The following XKR6 variants were observed in gnomAD, a reference collection of about 807,000 sequenced individuals.
XKR6 encodes XK related 6.
In XKR6, 22 loss-of-function variants were observed where a neutral mutation model predicts 56.7. The ratio of observed to expected loss-of-function variants is 0.39; its 90% CI spans 0.28 to 0.55. The LOEUF is 0.55. Ranked by LOEUF, XKR6 falls within the 20% of genes least tolerant of loss-of-function variation. The pLI is 0.66. For missense variants in XKR6, 852 were observed against 889.0 expected (o/e 0.96, Z 0.53); for synonymous variants, 524 against 387.8 (o/e 1.35, Z -4.13).
intron 1 of XKR6, among the ~76,000 whole-genome samples, chr8:10,964,683 C>T (rs571106707): frequency 6.6e-6 from 1 of 152,326 alleles, no homozygotes; most frequent in East Asian, 1.9e-4. Context: ...CATGACCTCA[C>T]CCGCGGGATC....
chr8:10,924,647 G>A lies in XKR6; in HGVS notation c.948C>T (p.Ala316=), dbSNP rs752165884. The A allele has an allele frequency of 2.8e-5, 45 of 1,605,306 alleles. No homozygotes were observed. Among genetic ancestry groups the A allele is most frequent in the African/African-American group, 6.7e-5 (5 of 74,714 alleles). ...GCGGGCACTCACAGGGCAGGGTCTC[G>A]GCGCTGTTCTTCTGGAGCATGATGT... ...QLYIMLQKNS[A]ETLPCVSSVT... is the part of the protein sequence containing the mutation. The change falls in exon 2 of 3, where the codon GCC becomes GCT. Residue 316 remains alanine (A), a synonymous_variant. Transcript: ENST00000416569.
At chr8:11,058,983 G>A (rs568363455) in intron 1 of XKR6, among the ~76,000 whole-genome samples, 1 of 152,364 alleles carries the variant, frequency 6.6e-6, no homozygotes, top group Non-Finnish European at 1.5e-5. Context: ...GATTATCCCC[G>A]CTTTACAGAA....
chr8:11,156,506 C>G (rs1441476845), intron 1 of XKR6, among the ~76,000 whole-genome samples: 1 of 152,126 alleles, frequency 6.6e-6, no homozygotes, highest in Non-Finnish European at 1.5e-5. Context: ...CCTAAAATTG[C>G]AGGCAGTATT....
chr8:11,064,478 A>G (rs1799927493), intron 1 of XKR6, among the ~76,000 whole-genome samples: 1 of 152,236 alleles, frequency 6.6e-6, no homozygotes, highest in Non-Finnish European at 1.5e-5. Context: ...GAAAGGAAGC[A>G]GAATAATTTA....
chr8:11,106,834 G>C (rs183417807), intron 1 of XKR6: 2 of 81,532 alleles, frequency 2.5e-5, no homozygotes, highest in African/African-American at 9.3e-5. Context: ...CTGGGCAAGA[G>C]AGTGAGACTT....
At chr8:10,968,821 C>T (rs770301290) in intron 1 of XKR6, among the ~76,000 whole-genome samples, 18 of 152,226 alleles carry the variant, frequency 1.2e-4, no homozygotes, top group Non-Finnish European at 2.1e-4. Context: ...GCACAGGGCT[C>T]GGGCAGTCCA....
intron 1 of XKR6, among the ~76,000 whole-genome samples, chr8:10,938,431 C>G (rs1049974150): frequency 5.9e-5 from 9 of 152,208 alleles, no homozygotes; most frequent in African/African-American, 2.2e-4. Flanking sequence ...CTCCCCCCAG[C>G]AGTTCTTTTC....
intron 1 of XKR6, among the ~76,000 whole-genome samples, chr8:11,096,059 G>A (rs1173055638): frequency 6.6e-6 from 1 of 152,160 alleles, no homozygotes; most frequent in African/African-American, 2.4e-5. Context: ...TATCAACAAA[G>A]CTAAAGAATA....
intron 1 of XKR6, among the ~76,000 whole-genome samples, chr8:11,052,173 G>A (rs1411075027): frequency 2.0e-5 from 3 of 152,072 alleles, no homozygotes; most frequent in East Asian, 1.9e-4. Context: ...TCCCACCCCA[G>A]GGGAGCTGCG....
intron 1 of XKR6, among the ~76,000 whole-genome samples, chr8:11,183,966 T>A (rs1055298661): frequency 6.6e-6 from 1 of 152,180 alleles, no homozygotes; most frequent in Non-Finnish European, 1.5e-5. Flanking sequence ...TGGGCAATAA[T>A]ATCCCCCGGC....
chr8:10,980,971 G>C (rs1048856007), intron 1 of XKR6, among the ~76,000 whole-genome samples: 1 of 151,802 alleles, frequency 6.6e-6, no homozygotes. Flanking sequence ...TCCATAAGCT[G>C]TTTCAGAAAA....
intron 1 of XKR6, among the ~76,000 whole-genome samples, chr8:11,072,232 C>T (rs892728718): frequency 6.8e-6 from 1 of 147,382 alleles, no homozygotes; most frequent in Non-Finnish European, 1.5e-5. Flanking sequence ...GGCTCCACCC[C>T]CTCTCTGTTT....
At chr8:10,975,216 C>T (rs1174489104) in intron 1 of XKR6, among the ~76,000 whole-genome samples, 1 of 152,200 alleles carries the variant, frequency 6.6e-6, no homozygotes, top group Non-Finnish European at 1.5e-5. Context: ...CTGCAGCCAA[C>T]GATCCCTTGG....
chr8:10,912,564 GTA>G (rs1259448443), intron 2 of XKR6, among the ~76,000 whole-genome samples: 2 of 143,266 alleles, frequency 1.4e-5, no homozygotes, highest in Admixed American at 7.1e-5. Flanking sequence ...GTGTGTGTAT[GTA>G]TATATATGTG....
rs556638105 is a variant in XKR6 at position 11,172,400 on chromosome 8, G to C, written c.764+28176C>G. On this transcript the variant is annotated intron_variant, in intron 1 of 2. Coordinates refer to ENST00000416569, the MANE Select transcript of XKR6 (RefSeq NM_173683.4). ...AATAAACAAAATTACCCAGTCTCTA[G>C]TATTCCTTTAAAGCAACACAAACAG... 7.9e-5 allele frequency among the ~76,000 whole-genome samples: 12 copies of C among 152,234 alleles called. No homozygotes were observed. In the South Asian group the frequency reaches 1.2e-3, roughly 16 times the overall value.
chr8:10,931,024 T>C (rs1019981883), intron 1 of XKR6, among the ~76,000 whole-genome samples: 23 of 152,186 alleles, frequency 1.5e-4, no homozygotes, highest in African/African-American at 5.3e-4. Context: ...ATTGTCTAGA[T>C]TGAAAATCCT....
chr8:10,941,324 G>C (rs775258253), intron 1 of XKR6, among the ~76,000 whole-genome samples: 1 of 152,206 alleles, frequency 6.6e-6, no homozygotes, highest in Non-Finnish European at 1.5e-5. Context: ...CACATAAAGT[G>C]ATACCGCTTA....
At chr8:11,118,180 A>G (rs1451444443) in intron 1 of XKR6, among the ~76,000 whole-genome samples, 2 of 152,210 alleles carry the variant, frequency 1.3e-5, no homozygotes, top group African/African-American at 2.4e-5. Flanking sequence ...TACTACTCTT[A>G]ATATACAAAA....
At chr8:11,112,954 C>A (rs1290981363) in intron 1 of XKR6, among the ~76,000 whole-genome samples, 1 of 152,094 alleles carries the variant, frequency 6.6e-6, no homozygotes, top group Non-Finnish European at 1.5e-5. Context: ...AATTAAGTAA[C>A]ACAGAATTAC....
Sources: allele counts gnomAD v4.1 joint callset (sites outside exome capture counted in the v4.1 genomes callset), GRCh38; gene constraint gnomAD v4.1.1; transcripts MANE v1.5; gene names NCBI Gene and HGNC (gene_info 2026-07-23, HGNC 2026-07-21).